Variants in CSMD1 observed in about 807,000 individuals in gnomAD.
CSMD1 encodes CUB and Sushi multiple domains 1.
CSMD1 carries 213 observed loss-of-function variants against 417.5 expected under a neutral mutation model. The observed-to-expected ratio is 0.51, with a 90% CI of 0.46 to 0.57. CSMD1 has a LOEUF of 0.57. Ranked by LOEUF, CSMD1 falls within the 20% of genes least tolerant of loss-of-function variation. The pLI, the probability that CSMD1 is intolerant of heterozygous loss-of-function variation, is 0.00. For synonymous variants in CSMD1, 2,862 were observed against 1,736.8 expected, an observed-to-expected ratio of 1.65 and a Z score of -16.11; for missense variants, 6,923 against 4,529.7, an observed-to-expected ratio of 1.53 and a Z score of -15.17.
intron 1 of CSMD1, among the ~76,000 whole-genome samples, chr8:4,897,817 T>A (rs1410095357): frequency 6.6e-6 from 1 of 152,156 alleles, no homozygotes; most frequent in Non-Finnish European, 1.5e-5. Context: ...GACAGAGACT[T>A]AAATAAGTTT....
At chr8:4,989,018 G>A (rs996039023) in intron 1 of CSMD1, among the ~76,000 whole-genome samples, 1 of 152,182 alleles carries the variant, frequency 6.6e-6, no homozygotes, top group African/African-American at 2.4e-5. Flanking sequence ...GGTCACTTAA[G>A]GTCATTTTAA....
At chr8:4,583,208 A>G (rs1799524521) in intron 2 of CSMD1, among the ~76,000 whole-genome samples, 3 of 152,186 alleles carry the variant, frequency 2.0e-5, no homozygotes, top group Admixed American at 6.5e-5. Context: ...GGGCTGAGGA[A>G]TGCGGGCACA....
chr8:4,324,336 G>A (rs116648463), intron 3 of CSMD1, among the ~76,000 whole-genome samples: 1 of 152,150 alleles, frequency 6.6e-6, no homozygotes, highest in Admixed American at 6.6e-5. Flanking sequence ...TCAATACTCG[G>A]AAGGTCCTGT....
chr8:4,549,591 C>T (rs1797775908), intron 2 of CSMD1, among the ~76,000 whole-genome samples: 2 of 151,982 alleles, frequency 1.3e-5, no homozygotes, highest in South Asian at 4.1e-4. Context: ...ACTCTTGGAT[C>T]AACAAAGACA....
intron 1 of CSMD1, among the ~76,000 whole-genome samples, chr8:4,942,786 GA>G (rs1401558223): frequency 3.9e-5 from 6 of 152,192 alleles, no homozygotes; most frequent in Admixed American, 2.0e-4. Context: ...TGTAGCTAGG[GA>G]ATTGGAAACT....
At chr8:4,441,598 T>A (rs1435339936) in intron 2 of CSMD1, among the ~76,000 whole-genome samples, 1 of 152,182 alleles carries the variant, frequency 6.6e-6, no homozygotes, top group South Asian at 2.1e-4. Context: ...TTCAATACAT[T>A]TGATAATGCT....
chr8:3,585,546 G>C (rs1044834531), intron 9 of CSMD1, among the ~76,000 whole-genome samples: 5 of 152,032 alleles, frequency 3.3e-5, no homozygotes, highest in Non-Finnish European at 5.9e-5. Context: ...GTAAGAATTT[G>C]TGTATACTTC....
intron 5 of CSMD1, among the ~76,000 whole-genome samples, chr8:3,932,469 T>C (rs1253901960): frequency 6.6e-6 from 1 of 150,518 alleles, no homozygotes; most frequent in Non-Finnish European, 1.5e-5. Flanking sequence ...AATAAGACCT[T>C]GATATGTAGG....
chr8:4,455,377 T>C (rs914527586), intron 2 of CSMD1, among the ~76,000 whole-genome samples: 2 of 152,128 alleles, frequency 1.3e-5, no homozygotes, highest in Non-Finnish European at 2.9e-5. Flanking sequence ...AAACTGGTCA[T>C]CAACTCAGTA....
chr8:4,507,537 T>C (rs1275801607), intron 2 of CSMD1, among the ~76,000 whole-genome samples: 4 of 152,188 alleles, frequency 2.6e-5, no homozygotes, highest in Non-Finnish European at 4.4e-5. Flanking sequence ...GAAAATGACA[T>C]AGAAGTATTC....
At chr8:3,707,255 G>C (rs1259994161) in intron 7 of CSMD1, among the ~76,000 whole-genome samples, 2 of 152,214 alleles carry the variant, frequency 1.3e-5, no homozygotes, top group African/African-American at 2.4e-5. Flanking sequence ...CAGAATATTT[G>C]TTGCATATAA....
chr8:4,192,809 C>G (rs1040342873), intron 3 of CSMD1, among the ~76,000 whole-genome samples: 6 of 152,178 alleles, frequency 3.9e-5, no homozygotes, highest in African/African-American at 1.2e-4. Context: ...AACCTCCTCA[C>G]TCATTACTTG....
At chr8:4,533,927 A>G (rs1331406596) in intron 2 of CSMD1, among the ~76,000 whole-genome samples, 1 of 148,774 alleles carries the variant, frequency 6.7e-6, no homozygotes, top group African/African-American at 2.4e-5. Flanking sequence ...ATACACATAT[A>G]TTAATATATA....
In CSMD1 at chr8:4,734,926, G is replaced by C. The variant is rs567351687; in HGVS notation, c.86-97368C>G. Among the ~76,000 whole-genome samples, 222 of 152,268 alleles carry C rather than the reference G, an allele frequency of 1.5e-3. 1 individual carries two copies. Among genetic ancestry groups the C allele is most frequent in the African/African-American group, 5.1e-3 (212 of 41,560 alleles). On this transcript the variant is annotated intron_variant, in intron 1 of 69. Transcript: ENST00000635120. ...GTATTTCCTTCTCCTAGGAGGTCTG[G>C]CTTTAGCAAACTACTCGTTATGGCC...
chr8:3,357,697 A>G (rs1172156767), intron 21 of CSMD1, among the ~76,000 whole-genome samples: 1 of 152,174 alleles, frequency 6.6e-6, no homozygotes, highest in Non-Finnish European at 1.5e-5. Flanking sequence ...CAGATTTCAA[A>G]CTATCTCAGT....
At chr8:4,397,531 T>C (rs1804329542) in intron 3 of CSMD1, among the ~76,000 whole-genome samples, 1 of 131,406 alleles carries the variant, frequency 7.6e-6, no homozygotes, top group Non-Finnish European at 1.6e-5. Context: ...CTCTTTTTTT[T>C]TTTTTTTTTT....
intron 5 of CSMD1, among the ~76,000 whole-genome samples, chr8:3,767,556 C>T (rs1477380152): frequency 6.6e-6 from 1 of 152,202 alleles, no homozygotes; most frequent in South Asian, 2.1e-4. Flanking sequence ...ACATCCAAAG[C>T]TGATTGCTGA....
intron 1 of CSMD1, among the ~76,000 whole-genome samples, chr8:4,698,990 G>T (rs1713240352): frequency 6.6e-6 from 1 of 151,478 alleles, no homozygotes; most frequent in African/African-American, 2.4e-5. Flanking sequence ...GCCTTGCCAT[G>T]GTCATGCTTT....
chr8:4,979,755 T>C (rs1810771227), intron 1 of CSMD1, among the ~76,000 whole-genome samples: 1 of 152,194 alleles, frequency 6.6e-6, no homozygotes, highest in Non-Finnish European at 1.5e-5. Context: ...ATTAACTAGT[T>C]GGCCACGCGT....
Sources: gnomAD v4.1 joint callset for allele counts (sites outside exome capture counted in the v4.1 genomes callset) on GRCh38, gnomAD v4.1.1 for gene constraint, MANE v1.5 for transcripts, NCBI Gene and HGNC (gene_info 2026-07-23, HGNC 2026-07-21) for gene names.